NHSL1: variants seen among roughly 807,000 people sequenced by gnomAD.
NHSL1 encodes the protein NHS-like protein 1.
In NHSL1, 48 loss-of-function variants were observed where a neutral mutation model predicts 95.0. The ratio of observed to expected loss-of-function variants is 0.51; its 90% CI spans 0.40 to 0.64. NHSL1 has a LOEUF of 0.64. Among genes scored for constraint, NHSL1 ranks in the 30% least tolerant of loss-of-function variants. NHSL1 has a pLI of 0.00. For missense variants in NHSL1, 1,971 were observed against 2,077.7 expected (o/e 0.95, Z 1.00); for synonymous variants, 783 against 833.9 (o/e 0.94, Z 1.05).
chr6:138,690,583 A>C (rs2114807322), intron 1 of NHSL1, among the ~76,000 whole-genome samples: 1 of 152,236 alleles, frequency 6.6e-6, no homozygotes, highest in African/African-American at 2.4e-5. Flanking sequence ...TCTACTAAAA[A>C]TACAAAAATT....
intron 1 of NHSL1, among the ~76,000 whole-genome samples, chr6:138,623,803 G>A (rs1784698891): frequency 6.6e-6 from 1 of 152,156 alleles, no homozygotes; most frequent in Admixed American, 6.5e-5. Context: ...CATGTCTCAA[G>A]GGTAGGACCA....
intron 1 of NHSL1, among the ~76,000 whole-genome samples, chr6:138,517,774 C>T (rs188047050): frequency 2.6e-5 from 4 of 152,170 alleles, no homozygotes; most frequent in Admixed American, 6.5e-5. Flanking sequence ...ACAGAGCATG[C>T]GCAAGTGTGG....
chr6:138,530,935 C>T (rs1205085580), intron 1 of NHSL1, among the ~76,000 whole-genome samples: 1 of 152,002 alleles, frequency 6.6e-6, no homozygotes, highest in Non-Finnish European at 1.5e-5. Context: ...CAAAAACCAT[C>T]TGTTCAATAG....
chr6:138,424,343 C>T lies in NHSL1; in HGVS notation c.4559G>A (p.Ser1520Asn). 1 of 1,544,362 alleles carries T rather than the reference C, an allele frequency of 6.5e-7. No homozygotes were observed. Among genetic ancestry groups the T allele is most frequent in the Non-Finnish European group, 8.8e-7 (1 of 1,142,782 alleles). ...TCCCTCCGAGATGACGGTCATGGGG[C>T]TGCTCTGGATCCGGTTCCGCATGCT... ...RYSMRNRIQSSPMTVISEGEG... is the reference protein window; with the variant it reads ...RYSMRNRIQSNPMTVISEGEG... Residue 1520 changes from serine (S) to asparagine (N), a missense_variant, in exon 8 of 8, where the codon AGC (serine) becomes AAC (asparagine). This residue lies in a region of NHSL1 where 223 missense variants were observed against 217.0 expected (regional missense o/e 1.03). Coordinates refer to ENST00000343505, the MANE Select transcript of NHSL1 (RefSeq NM_001144060.2). This position sits in a 1 kb window ranked among gnomAD's most constrained non-coding sequence, Gnocchi z 5.9.
intron 1 of NHSL1, among the ~76,000 whole-genome samples, chr6:138,562,891 C>A (rs1375086946): frequency 6.6e-6 from 1 of 152,142 alleles, no homozygotes; most frequent in East Asian, 1.9e-4. Context: ...TATTTACTTA[C>A]TATCTGCAAA....
upstream of NHSL1, among the ~76,000 whole-genome samples, chr6:138,500,701 T>C (rs952572762): frequency 4.6e-5 from 7 of 152,088 alleles, no homozygotes; most frequent in Non-Finnish European, 1.0e-4. Flanking sequence ...TCAGGTCTTT[T>C]TATGCCCTTT....
At chr6:138,482,171 G>A (rs140239126) in intron 2 of NHSL1, among the ~76,000 whole-genome samples, 4 of 152,294 alleles carry the variant, frequency 2.6e-5, no homozygotes, top group Admixed American at 6.5e-5. Flanking sequence ...AGATGAAGCC[G>A]GGCGTGGTGG....
upstream of NHSL1, among the ~76,000 whole-genome samples, chr6:138,501,990 T>C (rs182225311): frequency 6.6e-6 from 1 of 152,316 alleles, no homozygotes; most frequent in East Asian, 1.9e-4. Flanking sequence ...AATATTTTTG[T>C]TCCATGGTTG....
In NHSL1 at chr6:138,473,445, C is replaced by T. The variant is rs1346626208; in HGVS notation, c.212-12G>A. ...CAACTTATCGCATTCTGCAGAGGGG[C>T]ACGCAGGGAGGGGAAGGAGGCCATT... On this transcript the variant is annotated splice_polypyrimidine_tract_variant and intron_variant, in intron 2 of 7. Transcript: ENST00000343505. 6 of 1,423,474 alleles carry T rather than the reference C, an allele frequency of 4.2e-6. No homozygotes were observed. The highest frequency in any genetic ancestry group is 5.6e-5 in the East Asian group (2 of 35,856). The allele number at this position is 1,423,474 out of a possible 1,614,324, so 88.2% of individuals were successfully genotyped here.
intron 1 of NHSL1, among the ~76,000 whole-genome samples, chr6:138,682,664 C>T (rs1255098491): frequency 9.2e-6 from 1 of 108,958 alleles, no homozygotes; most frequent in Non-Finnish European, 1.8e-5. Flanking sequence ...AATGTCCTGC[C>T]GCCCTGAATA....
chr6:138,508,936 C>A (rs1007507155), intron 1 of NHSL1, among the ~76,000 whole-genome samples: 1 of 152,098 alleles, frequency 6.6e-6, no homozygotes, highest in African/African-American at 2.4e-5. Flanking sequence ...ATCCATCTAC[C>A]CAAGTAATAC....
At chr6:138,436,750 T>G (rs1183542012) in intron 5 of NHSL1, among the ~76,000 whole-genome samples, 1 of 152,206 alleles carries the variant, frequency 6.6e-6, no homozygotes, top group Non-Finnish European at 1.5e-5. Context: ...AATTGACTCT[T>G]GTTACAGCCA....
chr6:138,653,765 T>TA (rs1179686054), intron 1 of NHSL1, among the ~76,000 whole-genome samples: 1 of 152,230 alleles, frequency 6.6e-6, no homozygotes, highest in African/African-American at 2.4e-5. Flanking sequence ...GCAGTATACA[T>TA]ATGATATATG....
At chr6:138,510,824 A>G (rs1253538667) in intron 1 of NHSL1, among the ~76,000 whole-genome samples, 6 of 152,236 alleles carry the variant, frequency 3.9e-5, no homozygotes, top group African/African-American at 1.2e-4. Context: ...AAAAACATCA[A>G]TCATTGTATG....
At chr6:138,511,942 G>A (rs1479810553) in intron 1 of NHSL1, among the ~76,000 whole-genome samples, 1 of 152,088 alleles carries the variant, frequency 6.6e-6, no homozygotes, top group African/African-American at 2.4e-5. Context: ...AAATAAACAG[G>A]GTCTTCCAAT....
chr6:138,521,851 T>G (rs986789269), intron 1 of NHSL1, among the ~76,000 whole-genome samples: 4 of 152,096 alleles, frequency 2.6e-5, no homozygotes, highest in Admixed American at 6.5e-5. Context: ...AAAATTAGCC[T>G]ATAAAAAGAT....
At chr6:138,647,092 C>A (rs1785029877) in intron 1 of NHSL1, among the ~76,000 whole-genome samples, 1 of 152,192 alleles carries the variant, frequency 6.6e-6, no homozygotes, top group Admixed American at 6.5e-5. Flanking sequence ...CTCAGCTTCT[C>A]CTTTCTGTAC....
At chr6:138,629,507 C>T (rs939122594) in intron 1 of NHSL1, among the ~76,000 whole-genome samples, 1 of 152,188 alleles carries the variant, frequency 6.6e-6, no homozygotes, top group Non-Finnish European at 1.5e-5. Context: ...CTCAGCCTCC[C>T]ATGTAGCTGG....
At chr6:138,589,828 C>T (rs1318731401) in intron 1 of NHSL1, among the ~76,000 whole-genome samples, 1 of 152,160 alleles carries the variant, frequency 6.6e-6, no homozygotes, top group Non-Finnish European at 1.5e-5. Flanking sequence ...ACAGCCCCAG[C>T]CTCTGCATCC....
Sources: gnomAD v4.1 joint callset for allele counts (sites outside exome capture counted in the v4.1 genomes callset) on GRCh38, gnomAD v4.1.1 for gene constraint, gnomAD v4.1.1 regional missense constraint, Gnocchi (gnomAD v3.1) non-coding constraint, MANE v1.5 for transcripts, NCBI Gene and HGNC (gene_info 2026-07-23, HGNC 2026-07-21) for gene names.